UVRAG: variants seen among roughly 807,000 people sequenced by gnomAD.
The protein encoded by UVRAG is UV radiation resistance associated.
A neutral mutation model predicts 78.0 loss-of-function variants in UVRAG; 19 were observed. The observed-to-expected ratio is 0.24, with a 90% CI of 0.17 to 0.36. The LOEUF is 0.36. Among genes scored for constraint, UVRAG ranks in the 10% least tolerant of loss-of-function variants. UVRAG has a pLI of 1.00. For missense variants in UVRAG, 740 were observed against 853.8 expected (o/e 0.87, Z 1.66); for synonymous variants, 323 against 324.6 (o/e 1.00, Z 0.05).
chr11:76,107,065 G>C (rs1179701933), intron 13 of UVRAG, among the ~76,000 whole-genome samples: 1 of 152,204 alleles, frequency 6.6e-6, no homozygotes, highest in Admixed American at 6.5e-5. Context: ...CACAAGGATT[G>C]GAAGTGATAG....
At chr11:75,997,339 T>C (rs1286722760) in intron 8 of UVRAG, among the ~76,000 whole-genome samples, 1 of 152,244 alleles carries the variant, frequency 6.6e-6, no homozygotes, top group Non-Finnish European at 1.5e-5. Context: ...TGTTTTGTTT[T>C]GTTGCTGGAA....
intron 13 of UVRAG, among the ~76,000 whole-genome samples, chr11:76,083,539 G>A (rs1951536000): frequency 6.6e-6 from 1 of 152,164 alleles, no homozygotes; most frequent in Non-Finnish European, 1.5e-5. Context: ...CCTGCACTGA[G>A]TGTTGAAATA....
At chr11:75,846,441 G>T (rs745759869) in intron 1 of UVRAG, among the ~76,000 whole-genome samples, 14 of 152,078 alleles carry the variant, frequency 9.2e-5, no homozygotes, top group Non-Finnish European at 1.9e-4. Flanking sequence ...TATGCCTTTG[G>T]TGTTGTATCT....
intron 13 of UVRAG, among the ~76,000 whole-genome samples, chr11:76,097,851 A>C (rs1361097306): frequency 1.3e-5 from 2 of 152,178 alleles, no homozygotes; most frequent in Admixed American, 6.6e-5. Context: ...GGATGAACTT[A>C]GGTTCAAAAT....
intron 7 of UVRAG, among the ~76,000 whole-genome samples, chr11:75,963,960 T>C (rs1948962625): frequency 6.6e-6 from 1 of 152,098 alleles, no homozygotes; most frequent in Non-Finnish European, 1.5e-5. Context: ...CATGCACAGT[T>C]TGTGTTTCAG....
intron 5 of UVRAG, among the ~76,000 whole-genome samples, chr11:75,889,619 A>G (rs1947173443): frequency 6.6e-6 from 1 of 152,328 alleles, no homozygotes; most frequent in South Asian, 2.1e-4. Flanking sequence ...CTTAGTGATC[A>G]TGTTGCTTCA....
intron 12 of UVRAG, among the ~76,000 whole-genome samples, chr11:76,050,118 T>C (rs1950834980): frequency 6.6e-6 from 1 of 152,258 alleles, no homozygotes; most frequent in African/African-American, 2.4e-5. Context: ...GCGTTTGCTC[T>C]AATAGTAGAC....
At chr11:75,841,276 T>C (rs1664824745) in intron 1 of UVRAG, among the ~76,000 whole-genome samples, 1 of 152,218 alleles carries the variant, frequency 6.6e-6, no homozygotes, top group Non-Finnish European at 1.5e-5. Context: ...TCTGTGTTTA[T>C]CTAAATCAGG....
chr11:76,096,124 G>C (rs1951781846), intron 13 of UVRAG, among the ~76,000 whole-genome samples: 1 of 152,190 alleles, frequency 6.6e-6, no homozygotes, highest in Non-Finnish European at 1.5e-5. Flanking sequence ...AGGCAGCTAA[G>C]ATTCTTGTAG....
At chr11:75,857,424 T>G (rs1052452360) in intron 2 of UVRAG, among the ~76,000 whole-genome samples, 1 of 152,192 alleles carries the variant, frequency 6.6e-6, no homozygotes, top group Non-Finnish European at 1.5e-5. Context: ...CCATTTGACT[T>G]GGATACTTTT....
At chr11:76,124,091 TACC>T (rs1229558487) in intron 14 of UVRAG, among the ~76,000 whole-genome samples, 1 of 152,242 alleles carries the variant, frequency 6.6e-6, no homozygotes, top group Non-Finnish European at 1.5e-5. Flanking sequence ...ATGGAGTTAA[TACC>T]ACCAGTTATT....
chr11:75,857,990 T>C (rs1565348607), intron 2 of UVRAG, among the ~76,000 whole-genome samples: 1 of 152,152 alleles, frequency 6.6e-6, no homozygotes, highest in Admixed American at 6.5e-5. Flanking sequence ...TTATTGTATG[T>C]CTCTTCCCAC....
intron 13 of UVRAG, among the ~76,000 whole-genome samples, chr11:76,104,691 C>T (rs533360834): frequency 6.6e-6 from 1 of 152,174 alleles, no homozygotes; most frequent in African/African-American, 2.4e-5. Context: ...CACACATATA[C>T]ATGCACACAA....
chr11:76,112,122 C>T (rs917912661), intron 13 of UVRAG, among the ~76,000 whole-genome samples: 1 of 151,808 alleles, frequency 6.6e-6, no homozygotes, highest in Non-Finnish European at 1.5e-5. Flanking sequence ...GAATGAAAGA[C>T]CGAAATGAAG....
chr11:76,088,205 G>A (rs1306891066), intron 13 of UVRAG, among the ~76,000 whole-genome samples: 1 of 152,184 alleles, frequency 6.6e-6, no homozygotes, highest in Admixed American at 6.5e-5. Flanking sequence ...TCATAAGCCA[G>A]TAATGACATC....
chr11:75,870,464 G>A (rs1419415471), intron 3 of UVRAG, among the ~76,000 whole-genome samples: 1 of 151,970 alleles, frequency 6.6e-6, no homozygotes, highest in Non-Finnish European at 1.5e-5. Context: ...TTCACCAAGT[G>A]TCATTTTTTC....
intron 13 of UVRAG, among the ~76,000 whole-genome samples, chr11:76,097,916 C>T (rs1951814965): frequency 6.6e-6 from 1 of 152,164 alleles, no homozygotes; most frequent in Admixed American, 6.5e-5. Flanking sequence ...ATAACCCTGC[C>T]ACTATCATTC....
chr11:75,851,753 T>G, intron 1 of UVRAG, 130 bp from the exon 2 acceptor site: 1 of 714,294 alleles, frequency 1.4e-6, no homozygotes, highest in Non-Finnish European at 2.4e-6. Flanking sequence ...AGAGACTGGG[T>G]TATGGTTTCT....
chr11:76,061,899 A>C (rs1322075625), intron 12 of UVRAG, among the ~76,000 whole-genome samples: 7 of 152,200 alleles, frequency 4.6e-5, no homozygotes, highest in African/African-American at 7.2e-5. Flanking sequence ...ACTATACCTC[A>C]TTGAGTCCAG....
Sources: allele counts gnomAD v4.1 joint callset (sites outside exome capture counted in the v4.1 genomes callset), GRCh38; gene constraint gnomAD v4.1.1; transcripts MANE v1.5; gene names NCBI Gene and HGNC (gene_info 2026-07-23, HGNC 2026-07-21).